The following DCDC2B variants were observed in gnomAD, a reference collection of about 807,000 sequenced individuals.
DCDC2B encodes the protein doublecortin domain containing 2B.
In DCDC2B, 41 loss-of-function variants were observed where a neutral mutation model predicts 38.9. The observed-to-expected ratio is 1.05, with a 90% CI of 0.82 to 1.37. The LOEUF (loss-of-function observed/expected upper bound fraction) is 1.37. DCDC2B is among the 40% of genes most tolerant of loss of function. The pLI, the probability that DCDC2B is intolerant of heterozygous loss-of-function variation, is 0.00. For synonymous variants in DCDC2B, 181 were observed against 171.9 expected (o/e 1.05, Z -0.41); for missense variants, 453 against 427.2 (o/e 1.06, Z -0.53).
chr1:32,213,449 G>A (rs1643668599), intron 6 of DCDC2B, among the ~76,000 whole-genome samples: 1 of 149,440 alleles, frequency 6.7e-6, no homozygotes, highest in South Asian at 2.1e-4. Context: ...TGATTCTCCT[G>A]CCTCAGCCTC....
rs1187355571 is a variant in DCDC2B, at chr1:32,212,130, C to T, written c.456C>T (p.Ala152=). 3.1e-6 allele frequency: 5 copies of T among 1,613,766 alleles called. No homozygotes were observed. The highest frequency in any genetic ancestry group is 4.2e-6 in the Non-Finnish European group (5 of 1,179,864). ...PPFSLKLSQA[A]SQDWETVLKL... is the part of the protein sequence containing the mutation. Reference sequence around the variant, plus strand: ...TTAGTCTGAAGCTGTCCCAGGCTGCCAGCCAGGACTGGGAAACTGTGTTGA... The same window carrying T: ...TTAGTCTGAAGCTGTCCCAGGCTGCTAGCCAGGACTGGGAAACTGTGTTGA... The change falls in exon 4 of 9, where the codon GCC becomes GCT. Residue 152 remains alanine, a synonymous_variant. Coordinates refer to ENST00000409358, the MANE Select transcript of DCDC2B (RefSeq NM_001099434.2).
At position 32,216,067 on chromosome 1, in the gene DCDC2B, T is replaced by A; in HGVS notation, c.*170T>A. 1 of 715,668 alleles carries A rather than the reference T, an allele frequency of 1.4e-6. No homozygotes were observed. The highest frequency in any genetic ancestry group is 2.3e-6 in the Non-Finnish European group (1 of 430,300). 44.3% of individuals were successfully genotyped at this position (715,668 alleles called of 1,614,324 possible). ...TGCTCCTAAACCCACAGCCCAGCCT[T>A]CCCTTCCTCTGAGCAGAGCAGCCCT... On this transcript the variant is annotated 3_prime_UTR_variant, in exon 9 of 9. Transcript: ENST00000409358.
At chr1:32,211,867 T>C (rs1310197055) in intron 3 of DCDC2B, 30 bp downstream of exon 3, 2 of 1,586,698 alleles carry the variant, frequency 1.3e-6, no homozygotes, top group East Asian at 2.3e-5. Flanking sequence ...AGCAGGGGTG[T>C]TGATGTTTGT....
Position 32,211,316 on chromosome 1 carries a change from G to A in DCDC2B, c.311G>A (p.Arg104Lys), listed in dbSNP as rs779280222. Residue 104 changes from arginine to lysine, a missense_variant, in exon 2 of 9, where the codon AGA becomes AAA. By Grantham distance (26) the Arg-to-Lys change is conservative. Coordinates refer to ENST00000409358, the MANE Select transcript of DCDC2B (RefSeq NM_001099434.2). ...AAGGACCCAGGTGGGAAGAGCTGCA[G>A]ACTACAAGTGAGTCCCGGGGAACCT... ...RGKDPGGKSC[R>K]LQGPPVTRHL... The A allele has an allele frequency of 6.2e-7, 1 of 1,613,912 alleles. No homozygotes were observed. The highest frequency in any genetic ancestry group is 1.1e-5 in the South Asian group (1 of 91,066).
At position 32,212,481 on chromosome 1, in the gene DCDC2B, C is replaced by G. The variant is rs1304973576; in HGVS notation, c.528-9C>G. 1.2e-6 allele frequency: 2 copies of G among 1,613,420 alleles called. No individual in the cohort carries two copies. Among genetic ancestry groups the G allele is most frequent in the Admixed American group, 3.3e-5 (2 of 59,986 alleles). On this transcript the variant is annotated splice_polypyrimidine_tract_variant and intron_variant, in intron 4 of 8. Transcript: ENST00000409358. Reference sequence around the variant, plus strand: ...ACCAGCCCTTATCCTCCTCACCTCTCTCTCCCAGACTCTGCACCCTAGAGG... The same window carrying G: ...ACCAGCCCTTATCCTCCTCACCTCTGTCTCCCAGACTCTGCACCCTAGAGG...
At chr1:32,215,032 T>C in intron 7 of DCDC2B, 100 bp downstream of exon 7, 1 of 1,430,958 alleles carries the variant, frequency 7.0e-7, no homozygotes, top group Non-Finnish European at 9.3e-7. Context: ...AGCAGAATGC[T>C]CAGACACAAA....
chr1:32,210,171 TACA>T (rs1402775483), intron 1 of DCDC2B, among the ~76,000 whole-genome samples: 7 of 152,010 alleles, frequency 4.6e-5, no homozygotes, highest in East Asian at 1.9e-4. Flanking sequence ...CTACTAAAAC[TACA>T]ACATTAGCTG....
At position 32,212,344 on chromosome 1, in the gene DCDC2B, C is replaced by T. The variant is rs910300613; in HGVS notation, c.527+143C>T. 3.3e-6 allele frequency: 5 copies of T among 1,521,094 alleles called. No homozygotes were observed. In the African/African-American group the frequency reaches 5.5e-5, roughly 17 times the overall value. 94.2% of individuals were successfully genotyped at this position (1,521,094 alleles called of 1,614,324 possible). Reference sequence around the variant, plus strand: ...CCCTATGCCACTGGGAGAGGGCCCTCTGCCCAGCCCTCAGAGGCAGGGTAG... The same window carrying T: ...CCCTATGCCACTGGGAGAGGGCCCTTTGCCCAGCCCTCAGAGGCAGGGTAG... On this transcript the variant is annotated intron_variant, in intron 4 of 8. Coordinates refer to ENST00000409358, the MANE Select transcript of DCDC2B (RefSeq NM_001099434.2).
At chr1:32,213,789 C>T (rs1364721178) in intron 6 of DCDC2B, among the ~76,000 whole-genome samples, 1 of 151,128 alleles carries the variant, frequency 6.6e-6, no homozygotes, top group Non-Finnish European at 1.5e-5. Context: ...GGATTACAGG[C>T]GTGAGCCACC....
intron 6 of DCDC2B, 33 bp downstream of exon 6, chr1:32,212,826 AGAAGGGGAGTGACTG>A (rs751806626): frequency 1.2e-6 from 2 of 1,610,716 alleles, no homozygotes; most frequent in Non-Finnish European, 1.7e-6. Context: ...AGGGGTGGGA[AGAAGGGGAGTGACTG>A]GCTGACAACT....
intron 7 of DCDC2B, 74 bp downstream of exon 7, chr1:32,215,006 T>A: frequency 6.3e-7 from 1 of 1,575,946 alleles, no homozygotes; most frequent in South Asian, 1.1e-5. Context: ...CTGCTGTTGT[T>A]GGGGATGTCC....
chr1:32,211,394 T>C (rs1350822090), intron 2 of DCDC2B, 71 bp downstream of exon 2: 5 of 1,550,486 alleles, frequency 3.2e-6, no homozygotes, highest in Non-Finnish European at 4.4e-6. Context: ...CCCAATTTGG[T>C]CTGGGAAGCC....
chr1:32,212,820 G>GT, intron 6 of DCDC2B, 27 bp downstream of exon 6: 2 of 1,612,088 alleles, frequency 1.2e-6, no homozygotes, highest in South Asian at 1.1e-5. Context: ...ACAATGAGGG[G>GT]TGGGAAGAAG....
intron 7 of DCDC2B, 120 bp downstream of exon 7, chr1:32,215,052 G>A (rs1349825724): frequency 2.4e-6 from 3 of 1,252,188 alleles, no homozygotes; most frequent in East Asian, 2.7e-5. Context: ...AGCCGGCACT[G>A]GAAAAAAAAA....
chr1:32,212,991 G>A (rs532207988), intron 6 of DCDC2B, among the ~76,000 whole-genome samples, 198 bp downstream of exon 6: 13 of 152,008 alleles, frequency 8.6e-5, no homozygotes, highest in South Asian at 2.1e-4. Flanking sequence ...CCCAGGTCCC[G>A]GTTCAAGCAA....
chr1:32,209,413 C>CCA, intron 1 of DCDC2B, 54 bp downstream of exon 1: 8 of 1,593,694 alleles, frequency 5.0e-6, no homozygotes, highest in Non-Finnish European at 6.8e-6. Flanking sequence ...ACGGCAAGAG[C>CCA]GTGTATTCAG....
Position 32,209,113 on chromosome 1 carries a change from C to G in DCDC2B, c.20C>G (p.Ala7Gly). The G allele has an allele frequency of 6.2e-7, 1 of 1,613,804 alleles. No homozygotes were observed. The highest frequency in any genetic ancestry group is 8.5e-7 in the Non-Finnish European group (1 of 1,179,814). The change falls in exon 1 of 9, where the codon GCA becomes GGA. Residue 7 changes from alanine (A) to glycine (G), a missense_variant. Ala to Gly is a moderately conservative substitution (Grantham distance 60). Transcript: ENST00000409358. MAGGSP[A>G]AKRVVVYRNG... ...TACACTATGGCAGGTGGCAGTCCAG[C>G]AGCCAAGAGGGTAGTGGTGTACCGG...
intron 6 of DCDC2B, among the ~76,000 whole-genome samples, chr1:32,213,336 A>ATT (rs923909070): frequency 2.9e-5 from 4 of 138,430 alleles, no homozygotes; most frequent in African/African-American, 8.0e-5. Context: ...CCTCTTAATA[A>ATT]TTTTTTTTTT....
Position 32,215,451 on chromosome 1 carries a change from G to C in DCDC2B, c.862G>C (p.Val288Leu). The part of the protein sequence containing the change: ...TLSFPSGVIG[V>L]YGAPHRRKET... ...CCTCCCCTCTTTAGGAGTTATAGGA[G>C]TATATGGAGCTCCCCACCGAAGGAA... The change falls in exon 8 of 9, where the codon GTA becomes CTA. Residue 288 changes from valine (V) to leucine (L), a missense_variant. Coordinates refer to ENST00000409358, the MANE Select transcript of DCDC2B (RefSeq NM_001099434.2). 1 of 1,612,692 alleles carries C rather than the reference G, an allele frequency of 6.2e-7. No homozygotes were observed. The highest frequency in any genetic ancestry group is 8.5e-7 in the Non-Finnish European group (1 of 1,179,550).
Sources: gnomAD v4.1 joint callset for allele counts (sites outside exome capture counted in the v4.1 genomes callset) on GRCh38, gnomAD v4.1.1 for gene constraint, MANE v1.5 for transcripts, NCBI Gene and HGNC (gene_info 2026-07-23, HGNC 2026-07-21) for gene names.